The following KANK1 variants were observed in gnomAD, a reference collection of about 807,000 sequenced individuals.
KANK1 encodes the protein KN motif and ankyrin repeat domain-containing protein 1.
A neutral mutation model predicts 106.2 loss-of-function variants in KANK1; 109 were observed. The observed-to-expected ratio is 1.03, with a 90% confidence interval of 0.88 to 1.20. KANK1 has a LOEUF of 1.20. KANK1 is among the 50% of genes most tolerant of loss of function. KANK1 has a pLI of 0.00. For missense variants in KANK1, 2,399 were observed against 1,710.7 expected, an observed-to-expected ratio of 1.40 and a Z score of -7.10; for synonymous variants, 873 against 652.2, an observed-to-expected ratio of 1.34 and a Z score of -5.16.
intron 1 of KANK1, chr9:660,027 T>C: frequency 6.1e-6 from 2 of 325,970 alleles, no homozygotes; most frequent in South Asian, 3.1e-5. Flanking sequence ...ACCCCTTTGC[T>C]GATACAAGTA....
At chr9:519,038 G>A (rs1485944714) in intron 1 of KANK1, among the ~76,000 whole-genome samples, 1 of 151,640 alleles carries the variant, frequency 6.6e-6, no homozygotes, top group African/African-American at 2.4e-5. Flanking sequence ...TTACAGGCAT[G>A]CACCACCAGG....
intron 3 of KANK1, chr9:473,321 CAG>C (rs553345394): frequency 2.0e-5 from 3 of 152,308 alleles, no homozygotes; most frequent in South Asian, 2.1e-4. Context: ...TGCATTGAAA[CAG>C]AGGAAAATCC....
intron 1 of KANK1, among the ~76,000 whole-genome samples, chr9:670,651 A>G (rs1382483275): frequency 6.6e-6 from 1 of 152,118 alleles, no homozygotes; most frequent in Non-Finnish European, 1.5e-5. Context: ...CCTTTGGTTG[A>G]GTTACAGAGC....
chr9:572,490 T>C (rs140264493), intron 1 of KANK1, among the ~76,000 whole-genome samples: 83 of 152,058 alleles, frequency 5.5e-4, no homozygotes, highest in Non-Finnish European at 1.1e-3. Flanking sequence ...AGGTGGAGCT[T>C]GCAGTGAGCC....
At chr9:631,584 C>A (rs1835751266) in intron 1 of KANK1, among the ~76,000 whole-genome samples, 1 of 152,158 alleles carries the variant, frequency 6.6e-6, no homozygotes, top group Non-Finnish European at 1.5e-5. Flanking sequence ...AGTCGTTTTC[C>A]TCATCTCAGC....
rs1458066636 is a variant in KANK1 at position 646,552 on chromosome 9, A to G, written c.-83-30338A>G. ...ATATGCTTTCAGACTTTGTAAAATA[A>G]TATGTTGAACATGATTAATCATCTC... On this transcript the variant is annotated intron_variant, in intron 1 of 11. Transcript: ENST00000382297. 2.7e-5 allele frequency among the ~76,000 whole-genome samples: 4 copies of G among 150,316 alleles called. 1 individual carries two copies. The highest frequency in any genetic ancestry group is 1.0e-4 in the African/African-American group (4 of 39,678).
intron 1 of KANK1, among the ~76,000 whole-genome samples, chr9:505,971 C>G (rs1186314334): frequency 5.3e-5 from 8 of 152,102 alleles, no homozygotes; most frequent in Non-Finnish European, 1.0e-4. Context: ...TCCTTTCATC[C>G]AACTTTCTCT....
chr9:684,234 A>C (rs1034865508), intron 2 of KANK1: 11 of 985,284 alleles, frequency 1.1e-5, no homozygotes, highest in Non-Finnish European at 1.3e-5. Context: ...ACAGGCGATT[A>C]GCTCTCCAGC....
intron 1 of KANK1, among the ~76,000 whole-genome samples, chr9:539,263 A>G (rs530399793): frequency 6.6e-6 from 1 of 152,318 alleles, no homozygotes; most frequent in Non-Finnish European, 1.5e-5. Context: ...AGTTCCATAC[A>G]ATATTTTTTT....
intron 2 of KANK1, among the ~76,000 whole-genome samples, chr9:472,447 A>C (rs2058038736): frequency 7.7e-6 from 1 of 130,304 alleles, no homozygotes; most frequent in African/African-American, 4.8e-5. Context: ...CTCAGGACCC[A>C]GTTGCTGACC....
intron 3 of KANK1, among the ~76,000 whole-genome samples, chr9:478,921 C>CTTTT (rs59794020): frequency 7.3e-6 from 1 of 137,632 alleles, no homozygotes; most frequent in African/African-American, 2.7e-5. Context: ...ACATCCATTA[C>CTTTT]TTTTTTTTTT....
chr9:638,993 T>C (rs1416676392), intron 1 of KANK1, among the ~76,000 whole-genome samples: 1 of 152,162 alleles, frequency 6.6e-6, no homozygotes, highest in African/African-American at 2.4e-5. Flanking sequence ...GCAAAGTCAG[T>C]GATCTAGAAG....
intron 1 of KANK1, among the ~76,000 whole-genome samples, chr9:557,148 A>C (rs2061640557): frequency 6.6e-6 from 1 of 150,716 alleles, no homozygotes. Flanking sequence ...GCGCCAGTGC[A>C]CTTCAGCCTG....
chr9:549,388 G>C (rs1587715742), intron 1 of KANK1: 1 of 152,306 alleles, frequency 6.6e-6, no homozygotes, highest in Non-Finnish European at 1.5e-5. Flanking sequence ...AGGCTCTCCA[G>C]CTTGCTAGTG....
At position 730,078 on chromosome 9, in the gene KANK1, G is replaced by A. The variant is rs1466941918; in HGVS notation, c.2726G>A (p.Cys909Tyr). 2 of 1,614,062 alleles carry A rather than the reference G, an allele frequency of 1.2e-6. No individual in the cohort carries two copies. The highest frequency in any genetic ancestry group is 2.7e-5 in the African/African-American group (2 of 74,928). ...AATTATTTGGGATATACCTGTAAGT[G>A]TGGGGGCCTTCAGTCAGGAAGTCCC... ...TGNYLGYTCK[C>Y]GGLQSGSPLS... is the part of the protein sequence containing the mutation. Residue 909 changes from cysteine (C) to tyrosine (Y), a missense_variant, in exon 4 of 12, where the codon TGT becomes TAT. By Grantham distance (194) the Cys-to-Tyr change is radical. Coordinates refer to ENST00000382297, the MANE Select transcript of KANK1 (RefSeq NM_015158.5).
chr9:611,663 C>G (rs1238916760), intron 1 of KANK1, among the ~76,000 whole-genome samples: 1 of 152,176 alleles, frequency 6.6e-6, no homozygotes. Flanking sequence ...ATTTTGCAGG[C>G]ATTTTTGATA....
rs530397393 is a variant in KANK1, at chr9:598,798, T to G, written c.-83-78092T>G. Reference sequence around the variant, plus strand: ...GGCGCACACCACTACGCCCAGCTAATTTTTTGTATTTTTAATAGAGATAGA... The same window carrying G: ...GGCGCACACCACTACGCCCAGCTAAGTTTTTGTATTTTTAATAGAGATAGA... On this transcript the variant is annotated intron_variant, in intron 1 of 11. Transcript: ENST00000382297. Among the ~76,000 whole-genome samples, 46 of 148,652 alleles carry G rather than the reference T, an allele frequency of 3.1e-4. No individual in the cohort carries two copies. In the South Asian group the frequency reaches 9.8e-3, roughly 32 times the overall value.
chr9:532,389 T>A (rs977980321), intron 1 of KANK1, among the ~76,000 whole-genome samples: 2 of 132,142 alleles, frequency 1.5e-5, no homozygotes, highest in Non-Finnish European at 3.2e-5. Flanking sequence ...TTTTTTTTTT[T>A]ACCATTTCAA....
chr9:632,688 G>T (rs1836034493), intron 1 of KANK1, among the ~76,000 whole-genome samples: 1 of 151,970 alleles, frequency 6.6e-6, no homozygotes, highest in African/African-American at 2.4e-5. Flanking sequence ...GTGGTGTTTT[G>T]TTTTGTTTTG....
Sources: allele counts gnomAD v4.1 joint callset (sites outside exome capture counted in the v4.1 genomes callset), GRCh38; gene constraint gnomAD v4.1.1; transcripts MANE v1.5; gene names NCBI Gene and HGNC (gene_info 2026-07-23, HGNC 2026-07-21).